The following RNF6 variants were observed in gnomAD, a reference collection of about 807,000 sequenced individuals.
The protein encoded by RNF6 is ring finger protein 6.
RNF6 carries 21 observed loss-of-function variants against 50.1 expected under a neutral mutation model. The observed-to-expected ratio is 0.42, with a 90% CI of 0.30 to 0.60. RNF6 has a LOEUF of 0.60. RNF6 is among the 20% of genes least tolerant of loss of function. RNF6 has a pLI of 0.20. For synonymous variants in RNF6, 255 were observed against 291.8 expected (o/e 0.87, Z 1.29); for missense variants, 698 against 838.2 (o/e 0.83, Z 2.07).
rs1254599276 is a variant in RNF6, at chr13:26,219,613, C to G, written c.37G>C (p.Glu13Gln). 6.2e-7 allele frequency: 1 copy of G among 1,613,800 alleles called. No homozygotes were observed. Among genetic ancestry groups the G allele is most frequent in the Admixed American group, 1.7e-5 (1 of 60,018 alleles). ...TTATGGTCTTGAGGTAAGGTTTCTT[C>G]ACTGCCACCATCTGATCTCGATCTA... Reference protein sequence around the residue: ...QSRSRSDGGSEETLPQDHNHH... With the variant: ...QSRSRSDGGSQETLPQDHNHH... Residue 13 changes from glutamate (E) to glutamine (Q), a missense_variant, in exon 3 of 5, where the codon GAA becomes CAA. Coordinates refer to ENST00000381588, the MANE Select transcript of RNF6 (RefSeq NM_005977.4).
intron 5 of RNF6, among the ~76,000 whole-genome samples, chr13:26,196,803 G>A (rs1421801657): frequency 6.6e-6 from 1 of 151,790 alleles, no homozygotes; most frequent in African/African-American, 2.4e-5. Flanking sequence ...ATGTTAAGTA[G>A]GTAGGTAAAT....
intron 3 of RNF6, among the ~76,000 whole-genome samples, chr13:26,218,837 T>G (rs969819157): frequency 1.3e-5 from 2 of 152,216 alleles, no homozygotes; most frequent in Admixed American, 6.5e-5. Context: ...AGATTTAATT[T>G]GAATAGTTGG....
At chr13:26,195,345 C>T (rs1868619150) in intron 5 of RNF6, among the ~76,000 whole-genome samples, 1 of 151,628 alleles carries the variant, frequency 6.6e-6, no homozygotes, top group Non-Finnish European at 1.5e-5. Context: ...GAAACCAAAG[C>T]TGAAAAGCAA....
intron 5 of RNF6, among the ~76,000 whole-genome samples, chr13:26,160,306 A>C (rs1872133315): frequency 6.6e-6 from 1 of 152,152 alleles, no homozygotes; most frequent in Non-Finnish European, 1.5e-5. Flanking sequence ...ACTACTTTTG[A>C]CTTGGCTACT....
At chr13:26,152,417 C>T (rs1871668590) in intron 5 of RNF6, among the ~76,000 whole-genome samples, 1 of 152,216 alleles carries the variant, frequency 6.6e-6, no homozygotes, top group African/African-American at 2.4e-5. Flanking sequence ...AATGTCACCT[C>T]TTTTCAGTAG....
intron 5 of RNF6, among the ~76,000 whole-genome samples, chr13:26,193,197 T>C (rs1463184310): frequency 1.3e-5 from 2 of 152,066 alleles, no homozygotes; most frequent in African/African-American, 2.4e-5. Flanking sequence ...GATATAACTT[T>C]GGGAGGAATC....
At chr13:26,196,740 A>G (rs1868681290) in intron 5 of RNF6, among the ~76,000 whole-genome samples, 2 of 4,408 alleles carry the variant, frequency 4.5e-4, no homozygotes, top group Admixed American at 3.8e-3. Context: ...AGCTGAAGGG[A>G]AAGTATACAG....
intron 5 of RNF6, among the ~76,000 whole-genome samples, chr13:26,159,838 T>C (rs1872113996): frequency 2.0e-5 from 3 of 151,892 alleles, no homozygotes; most frequent in Non-Finnish European, 2.9e-5. Flanking sequence ...ATAACGAATA[T>C]AAGGAGTATA....
chr13:26,158,887 C>G (rs1289956958), intron 5 of RNF6, among the ~76,000 whole-genome samples: 7 of 152,130 alleles, frequency 4.6e-5, no homozygotes, highest in Non-Finnish European at 1.0e-4. Context: ...ATTTGAACTT[C>G]TTTTCTACCA....
At chr13:26,207,683 C>T (rs994732032) in intron 5 of RNF6, among the ~76,000 whole-genome samples, 1 of 152,202 alleles carries the variant, frequency 6.6e-6, no homozygotes, top group African/African-American at 2.4e-5. Flanking sequence ...GCCTCATCTC[C>T]AAGCCCTCCT....
intron 5 of RNF6, among the ~76,000 whole-genome samples, chr13:26,192,295 T>G (rs555445794): frequency 6.6e-6 from 1 of 151,538 alleles, no homozygotes; most frequent in African/African-American, 2.4e-5. Flanking sequence ...AGGAACAGAG[T>G]GGTAGTAGTG....
chr13:26,161,455 T>C (rs745580210), intron 5 of RNF6, among the ~76,000 whole-genome samples: 1 of 152,242 alleles, frequency 6.6e-6, no homozygotes, highest in African/African-American at 2.4e-5. Flanking sequence ...TTCAAGAATA[T>C]GAAGTCTCTT....
downstream of RNF6, among the ~76,000 whole-genome samples, chr13:26,211,079 T>C (rs891920381): frequency 1.3e-5 from 2 of 152,262 alleles, no homozygotes; most frequent in Admixed American, 1.3e-4. Context: ...AAGGGTATAA[T>C]CATTGCTAAA....
rs1387316134 is a variant in RNF6, at chr13:26,213,809, G to A, written c.*15C>T. 1.9e-6 allele frequency: 3 copies of A among 1,576,130 alleles called. No homozygotes were observed. Among genetic ancestry groups the A allele is most frequent in the Non-Finnish European group, 2.6e-6 (3 of 1,158,738 alleles). Reference sequence around the variant, plus strand: ...AGTTCTACTAAAAAACAGTATTTGAGTAGATCCCATCACCTTACCCATTGT... The same window carrying A: ...AGTTCTACTAAAAAACAGTATTTGAATAGATCCCATCACCTTACCCATTGT... On this transcript the variant is annotated 3_prime_UTR_variant, in exon 5 of 5. Transcript: ENST00000381588.
intron 5 of RNF6, among the ~76,000 whole-genome samples, chr13:26,139,236 A>G (rs1486419228): frequency 6.6e-6 from 1 of 152,156 alleles, no homozygotes; most frequent in Non-Finnish European, 1.5e-5. Context: ...TCCCAGAGTC[A>G]GGGACCAGGC....
At chr13:26,180,128 C>T (rs1038172881) in intron 5 of RNF6, among the ~76,000 whole-genome samples, 3 of 152,192 alleles carry the variant, frequency 2.0e-5, no homozygotes, top group Non-Finnish European at 2.9e-5. Context: ...AGTTATCCAT[C>T]GCCATCTTGG....
At chr13:26,141,350 C>T (rs947743014) in intron 5 of RNF6, among the ~76,000 whole-genome samples, 8 of 150,946 alleles carry the variant, frequency 5.3e-5, no homozygotes, top group Non-Finnish European at 1.0e-4. Flanking sequence ...ATTGCTTGAA[C>T]CTGGGAGGTG....
intron 2 of RNF6, among the ~76,000 whole-genome samples, 154 bp downstream of exon 2, chr13:26,221,094 G>A (rs1250563420): frequency 1.3e-5 from 2 of 152,120 alleles, no homozygotes; most frequent in South Asian, 2.1e-4. Context: ...AGCATATTTC[G>A]TAGGTACAGC....
chr13:26,217,119 AGAT>A (rs1222603690), intron 4 of RNF6, among the ~76,000 whole-genome samples: 2 of 152,192 alleles, frequency 1.3e-5, no homozygotes, highest in Non-Finnish European at 1.5e-5. Context: ...CATATTCCAG[AGAT>A]GATGAGCTAT....
Sources: gnomAD v4.1 joint callset for allele counts (sites outside exome capture counted in the v4.1 genomes callset) on GRCh38, gnomAD v4.1.1 for gene constraint, MANE v1.5 for transcripts, NCBI Gene and HGNC (gene_info 2026-07-23, HGNC 2026-07-21) for gene names.